WDR36: variants seen among roughly 807,000 people sequenced by gnomAD.
The protein encoded by WDR36 is WD repeat-containing protein 36.
A neutral mutation model predicts 112.7 loss-of-function variants in WDR36; 63 were observed. The observed-to-expected ratio is 0.56, with a 90% CI of 0.46 to 0.69. The LOEUF (loss-of-function observed/expected upper bound fraction) is 0.69. WDR36 is among the 30% of genes least tolerant of loss of function. The pLI, the probability that WDR36 is intolerant of heterozygous loss-of-function variation, is 0.00. For missense variants in WDR36, 1,226 were observed against 1,070.3 expected (o/e 1.15, Z -2.03); for synonymous variants, 410 against 362.2 (o/e 1.13, Z -1.50).
rs758416419 is a variant in WDR36, at chr5:111,110,206, T to C, written c.1344T>C (p.Ser448=). 231 of 1,610,476 alleles carry C rather than the reference T, an allele frequency of 1.4e-4. No homozygotes were observed. The highest frequency in any genetic ancestry group is 1.8e-4 in the Non-Finnish European group (209 of 1,177,378). ...TCTTAAAGGCAGTGGATATAACTTC[T>C]TGTGGAAACTTTGCTGTAATTGGCC... ...DITATAVDIT[S]CGNFAVIGLS... is the part of the protein sequence containing the mutation. The change falls in exon 13 of 23, where the codon TCT becomes TCC. Residue 448 remains serine, a synonymous_variant. Coordinates refer to ENST00000513710, the MANE Select transcript of WDR36 (RefSeq NM_139281.3).
At chr5:111,100,059 GT>G (rs149243717) in intron 4 of WDR36, among the ~76,000 whole-genome samples, 20,173 of 149,668 alleles carry the variant, frequency 0.13, 1,425 homozygotes, top group South Asian at 0.28. Context: ...AGGGTTATAC[GT>G]TTTTTTTTTC....
At position 111,107,427 on chromosome 5, in the gene WDR36, C is replaced by A; in HGVS notation, c.1314C>A (p.Asp438Glu). The A allele has an allele frequency of 6.2e-7, 1 of 1,609,926 alleles. No individual in the cohort carries two copies. The highest frequency in any genetic ancestry group is 8.5e-7 in the Non-Finnish European group (1 of 1,177,238). ...AGCCAAAAGAGTTGAAGAAAGATGA[C>A]ATAACTGCAACAGTAAGTGAGCTTG... Reference protein sequence around the residue: ...FLKPKELKKDDITATAVDITS... With the variant: ...FLKPKELKKDEITATAVDITS... Residue 438 changes from aspartate to glutamate, a missense_variant, in exon 12 of 23, where the codon GAC (aspartate) becomes GAA (glutamate). Asp to Glu is a conservative substitution (Grantham distance 45). Coordinates refer to ENST00000513710, the MANE Select transcript of WDR36 (RefSeq NM_139281.3).
chr5:111,107,090 A>G (rs568018548), intron 11 of WDR36, among the ~76,000 whole-genome samples: 33 of 151,548 alleles, frequency 2.2e-4, no homozygotes, highest in African/African-American at 8.0e-4. Flanking sequence ...GTTATGTTCT[A>G]TGCCATAAAC....
In WDR36 at chr5:111,125,686, G is replaced by T. The variant is rs781646041; in HGVS notation, c.2429G>T (p.Cys810Phe). 3.7e-6 allele frequency: 6 copies of T among 1,613,904 alleles called. No homozygotes were observed. In the Admixed American group the frequency reaches 1.0e-4, roughly 27 times the overall value. Residue 810 changes from cysteine to phenylalanine, a missense_variant, in exon 22 of 23, where the codon TGT becomes TTT. Coordinates refer to ENST00000513710, the MANE Select transcript of WDR36 (RefSeq NM_139281.3). ...GAGCTGCGAAGCTTGTCTCCTGATT[G>T]TGGTGGGTCCATAGAAGTTATGCAG... ...ETELRSLSPDCGGSIEVMQSF... is the reference protein window; with the variant it reads ...ETELRSLSPDFGGSIEVMQSF...
Position 111,104,359 on chromosome 5 carries a change from T to C in WDR36, c.906+7T>C, listed in dbSNP as rs1404800817. 1.9e-6 allele frequency: 3 copies of C among 1,611,556 alleles called. No homozygotes were observed. Among genetic ancestry groups the C allele is most frequent in the East Asian group, 2.2e-5 (1 of 44,836 alleles). On this transcript the variant is annotated splice_region_variant and intron_variant, in intron 8 of 22. Transcript: ENST00000513710. ...CGCTGACAATGCTCTTAGGGTATTA[T>C]GATTATTGTTAACATCTTCCTGGCT... is the stretch of plus-strand genomic sequence containing the variant.
rs1753756626 is a variant in WDR36 at position 111,129,950 on chromosome 5, C to G, written c.*3067C>G. On this transcript the variant is annotated 3_prime_UTR_variant, in exon 23 of 23. Coordinates refer to ENST00000513710, the MANE Select transcript of WDR36 (RefSeq NM_139281.3). ...TTTATTGAAAAGTCCACTCATATGT[C>G]TGATTTGAAATGCTGTTTCATTATG... The G allele has an allele frequency of 4.8e-6, 1 of 210,408 alleles. No individual in the cohort carries two copies. Among genetic ancestry groups the G allele is most frequent in the Non-Finnish European group, 9.6e-6 (1 of 103,866 alleles). The allele number at this position is 210,408 out of a possible 1,614,324, so 13.0% of individuals were successfully genotyped here. A position where few individuals can be genotyped will look rare whatever the true frequency, so the allele number is the denominator to read the frequency against.
In WDR36 at chr5:111,110,807, A is replaced by T; in HGVS notation, c.1461A>T (p.Arg487Ser). The T allele has an allele frequency of 6.2e-7, 1 of 1,610,980 alleles. No homozygotes were observed. The highest frequency in any genetic ancestry group is 1.1e-5 in the South Asian group (1 of 90,988). ...GKDQAHKGSV[R>S]GVAVDGLNQL... The stretch of plus-strand genomic sequence containing the variant: ...TTACAGCTCACAAGGGATCTGTTAG[A>T]GGTGTCGCAGTGGATGGATTAAACC... Residue 487 changes from arginine to serine, a missense_variant, in exon 14 of 23, where the codon AGA becomes AGT. Physicochemically the swap from Arg to Ser is moderately radical, Grantham distance 110. Coordinates refer to ENST00000513710, the MANE Select transcript of WDR36 (RefSeq NM_139281.3).
At chr5:111,097,799 C>T (rs897753437) in intron 3 of WDR36, among the ~76,000 whole-genome samples, 1 of 152,148 alleles carries the variant, frequency 6.6e-6, no homozygotes, top group African/African-American at 2.4e-5. Context: ...ACAAAGATAG[C>T]CAAATGATAG....
rs184688451 is a variant in WDR36, at chr5:111,123,767, A to T, written c.2149-38A>T. On this transcript the variant is annotated intron_variant, in intron 19 of 22. Transcript: ENST00000513710. Reference sequence around the variant, plus strand: ...TTAAATATGAGAAACTGTTGGCAAGATAATTCCTATTTTTCTTTCTCATTT... The same window carrying T: ...TTAAATATGAGAAACTGTTGGCAAGTTAATTCCTATTTTTCTTTCTCATTT... The T allele has an allele frequency of 8.6e-5, 138 of 1,610,402 alleles. 3 individuals carry two copies. The East Asian group carries it at 2.1e-3, about 24-fold the overall frequency.
chr5:111,096,725 A>G (rs1025817905), intron 2 of WDR36, among the ~76,000 whole-genome samples: 2 of 152,044 alleles, frequency 1.3e-5, no homozygotes, highest in Admixed American at 6.6e-5. Flanking sequence ...AAAAAAAAAA[A>G]GATGTTCACG....
chr5:111,104,503 T>C, intron 8 of WDR36, 151 bp downstream of exon 8: 1 of 1,373,358 alleles, frequency 7.3e-7, no homozygotes, highest in South Asian at 1.2e-5. Flanking sequence ...GCACAGCAGG[T>C]GACATGATTG....
intron 4 of WDR36, 54 bp downstream of exon 4, chr5:111,098,893 A>G: frequency 8.0e-7 from 1 of 1,256,162 alleles, no homozygotes; most frequent in Non-Finnish European, 1.2e-6. Context: ...TGTTTAATTA[A>G]AATTTAAAAT....
chr5:111,113,052 A>ATATTT lies in WDR36; in HGVS notation c.1717-21_1717-20insATTTT, dbSNP rs35527062. On this transcript the variant is annotated intron_variant, in intron 15 of 22. Coordinates refer to ENST00000513710, the MANE Select transcript of WDR36 (RefSeq NM_139281.3). ...ATATAAATAATATATATATATATATATTTTTTTTTTTTAATTTAAAGGCTT... is the reference window on the plus strand; with the variant it reads ...ATATAAATAATATATATATATATATATATTTTTTTTTTTTTTTAATTTAAAGGCTT... 665 of 473,556 alleles carry ATATTT rather than the reference A, an allele frequency of 1.4e-3. 6 individuals carry two copies. Among genetic ancestry groups the ATATTT allele is most frequent in the African/African-American group, 0.014 (546 of 38,908 alleles). The allele number at this position is 473,556 out of a possible 1,614,324, so 29.3% of individuals were successfully genotyped here. A position where few individuals can be genotyped will look rare whatever the true frequency, so the allele number is the denominator to read the frequency against.
intron 16 of WDR36, 58 bp downstream of exon 16, chr5:111,113,211 C>A: frequency 9.0e-7 from 1 of 1,114,280 alleles, no homozygotes; most frequent in Non-Finnish European, 1.3e-6. Flanking sequence ...ATTTTTTTCA[C>A]ATGTGACTTT....
At chr5:111,099,451 G>GT (rs796092518) in intron 4 of WDR36, among the ~76,000 whole-genome samples, 751 of 55,610 alleles carry the variant, frequency 0.014, 5 homozygotes, top group South Asian at 0.04. Flanking sequence ...GTTTTTTTTT[G>GT]TTTTTTTTTT....
intron 2 of WDR36, among the ~76,000 whole-genome samples, chr5:111,096,721 A>G (rs1752991901): frequency 6.6e-6 from 1 of 152,138 alleles, no homozygotes; most frequent in South Asian, 2.1e-4. Flanking sequence ...AAAGAAAAAA[A>G]AAAAGATGTT....
chr5:111,112,634 A>G (rs1211742794), intron 15 of WDR36, among the ~76,000 whole-genome samples: 1 of 152,044 alleles, frequency 6.6e-6, no homozygotes, highest in Non-Finnish European at 1.5e-5. Flanking sequence ...TAGTTTATTT[A>G]AATTTATTTT....
chr5:111,103,860 A>C lies in WDR36; in HGVS notation c.672A>C (p.Glu224Asp). The C allele has an allele frequency of 6.2e-7, 1 of 1,611,452 alleles. No individual in the cohort carries two copies. Among genetic ancestry groups the C allele is most frequent in the Non-Finnish European group, 8.5e-7 (1 of 1,178,282 alleles). Residue 224 changes from glutamate (E) to aspartate (D), a missense_variant, in exon 7 of 23, where the codon GAA becomes GAC. Glu to Asp is a conservative substitution (Grantham distance 45). Coordinates refer to ENST00000513710, the MANE Select transcript of WDR36 (RefSeq NM_139281.3). ...QVIIHNIKFN[E>D]TLMKFRQDWG... The stretch of plus-strand genomic sequence containing the variant: ...TCATTCACAACATTAAATTTAATGA[A>C]ACATTAATGAAGTTTCGTCAAGACT...
chr5:111,115,478 CAG>C (rs780254864), intron 16 of WDR36, among the ~76,000 whole-genome samples: 1 of 152,030 alleles, frequency 6.6e-6, no homozygotes, highest in Non-Finnish European at 1.5e-5. Context: ...TTATAAATGA[CAG>C]AGCGCAAAAT....
Sources: allele counts gnomAD v4.1 joint callset (sites outside exome capture counted in the v4.1 genomes callset), GRCh38; gene constraint gnomAD v4.1.1; transcripts MANE v1.5; gene names NCBI Gene and HGNC (gene_info 2026-07-23, HGNC 2026-07-21).